The following EYS variants were observed in gnomAD, a reference collection of about 807,000 sequenced individuals.
EYS encodes EGF-like photoreceptor maintenance factor.
Under a neutral mutation model 282.1 loss-of-function variants are expected in EYS, and 250 were observed. The ratio of observed to expected loss-of-function variants is 0.89; its 90% CI spans 0.80 to 0.98. The LOEUF (loss-of-function observed/expected upper bound fraction) is 0.98, where lower values mean the gene tolerates loss of function less well. Among genes scored for constraint, EYS ranks in the 50% least tolerant of loss-of-function variants. The pLI, the probability that EYS is intolerant of heterozygous loss-of-function variation, is 0.00. For synonymous variants in EYS, 1,355 were observed against 1,282.9 expected, an observed-to-expected ratio of 1.06 and a Z score of -1.20; for missense variants, 4,016 against 3,709.0, an observed-to-expected ratio of 1.08 and a Z score of -2.15.
intron 30 of EYS, among the ~76,000 whole-genome samples, chr6:64,275,920 G>T (rs1381632795): frequency 1.3e-5 from 2 of 150,994 alleles, no homozygotes; most frequent in South Asian, 2.1e-4. Flanking sequence ...AGCTGAGATC[G>T]CACCTTTGCA....
At chr6:65,219,591 TAGACA>T (rs766577633) in intron 12 of EYS, among the ~76,000 whole-genome samples, 4 of 152,164 alleles carry the variant, frequency 2.6e-5, no homozygotes, top group Non-Finnish European at 4.4e-5. Context: ...TGTGAAGCAC[TAGACA>T]AATCTTTGTT....
chr6:63,874,002 G>C (rs1419267102), intron 35 of EYS, among the ~76,000 whole-genome samples: 1 of 152,104 alleles, frequency 6.6e-6, no homozygotes, highest in Non-Finnish European at 1.5e-5. Flanking sequence ...AGTTTAATTA[G>C]ATCCCATTTG....
intron 26 of EYS, among the ~76,000 whole-genome samples, chr6:64,484,203 C>T (rs1219085922): frequency 2.6e-5 from 4 of 151,570 alleles, no homozygotes; most frequent in African/African-American, 9.7e-5. Context: ...GCCTTACCTA[C>T]TTTAAGCAAA....
At chr6:65,314,306 A>C (rs1769239611) in intron 11 of EYS, among the ~76,000 whole-genome samples, 1 of 146,068 alleles carries the variant, frequency 6.8e-6, no homozygotes, top group Admixed American at 7.0e-5. Context: ...AGGTTTTTAA[A>C]AATTTTTTAT....
intron 2 of EYS, among the ~76,000 whole-genome samples, chr6:65,501,611 A>G (rs1766453144): frequency 6.6e-6 from 1 of 151,820 alleles, no homozygotes; most frequent in Admixed American, 6.6e-5. Flanking sequence ...TATAGAGTAT[A>G]AAAGATTTAC....
chr6:65,444,769 A>AG (rs1384532893), intron 5 of EYS, among the ~76,000 whole-genome samples: 1 of 152,108 alleles, frequency 6.6e-6, no homozygotes, highest in Non-Finnish European at 1.5e-5. Context: ...AGAGCCTAAC[A>AG]GGTCATCTTT....
intron 7 of EYS, among the ~76,000 whole-genome samples, chr6:65,388,453 T>A (rs1480613765): frequency 6.6e-6 from 1 of 151,914 alleles, no homozygotes; most frequent in Non-Finnish European, 1.5e-5. Flanking sequence ...TGTGTCAGGA[T>A]CAACAGGAAA....
chr6:63,950,845 G>C (rs928159451), intron 35 of EYS, among the ~76,000 whole-genome samples: 1 of 151,790 alleles, frequency 6.6e-6, no homozygotes, highest in Non-Finnish European at 1.5e-5. Flanking sequence ...TTTAATTTCA[G>C]TTCCTTTCCT....
intron 5 of EYS, among the ~76,000 whole-genome samples, chr6:65,484,622 G>A (rs1349384548): frequency 6.6e-6 from 1 of 152,112 alleles, no homozygotes; most frequent in East Asian, 1.9e-4. Context: ...TACTAATAAT[G>A]CTACTCTTCC....
intron 29 of EYS, among the ~76,000 whole-genome samples, chr6:64,378,275 C>T (rs767251934): frequency 3.3e-5 from 5 of 152,212 alleles, no homozygotes; most frequent in Middle Eastern, 3.4e-3. Flanking sequence ...TAAATACCAG[C>T]AGGCTGAATA....
chr6:64,691,602 C>T (rs1215286788), intron 22 of EYS, among the ~76,000 whole-genome samples: 9 of 152,018 alleles, frequency 5.9e-5, no homozygotes, highest in South Asian at 2.1e-4. Flanking sequence ...ATCCTGTCAC[C>T]CAGGTAGTGA....
intron 28 of EYS, chr6:64,412,682 T>C (rs1027571399): frequency 2.0e-5 from 3 of 152,108 alleles, no homozygotes; most frequent in African/African-American, 7.2e-5. Flanking sequence ...ATTCTTCTGG[T>C]GGAAATTAGC....
chr6:64,222,793 T>C (rs1045515893), intron 31 of EYS, among the ~76,000 whole-genome samples: 1 of 151,998 alleles, frequency 6.6e-6, no homozygotes, highest in African/African-American at 2.4e-5. Context: ...GCCATAAAAC[T>C]TTATTGAAAT....
intron 35 of EYS, among the ~76,000 whole-genome samples, chr6:63,922,731 G>A (rs903305826): frequency 2.0e-5 from 3 of 152,116 alleles, no homozygotes; most frequent in African/African-American, 2.4e-5. Flanking sequence ...AGAAAAATTG[G>A]TTCTTGTGGG....
intron 22 of EYS, among the ~76,000 whole-genome samples, chr6:64,707,609 G>A (rs1191504447): frequency 1.3e-5 from 2 of 150,638 alleles, no homozygotes; most frequent in Non-Finnish European, 2.9e-5. Flanking sequence ...GCCTTGCAGT[G>A]AGTGGAGATC....
At position 63,947,188 on chromosome 6, in the gene EYS, G is replaced by C. The variant is rs147791809; in HGVS notation, c.7055+37195C>G. On this transcript the variant is annotated intron_variant, in intron 35 of 42. Coordinates refer to ENST00000503581, the MANE Select transcript of EYS (RefSeq NM_001142800.2). ...AACATTTGTATATTTTGGTAGCTGAGAGTTTGCCTGTAGAGTGAATGTGCT... is the reference window on the plus strand; with the variant it reads ...AACATTTGTATATTTTGGTAGCTGACAGTTTGCCTGTAGAGTGAATGTGCT... 2.6e-3 allele frequency among the ~76,000 whole-genome samples: 395 copies of C among 152,112 alleles called. 1 individual carries two copies. The highest frequency in any genetic ancestry group is 3.9e-3 in the African/African-American group (160 of 41,532).
chr6:65,471,923 A>T (rs1353833895), intron 5 of EYS, among the ~76,000 whole-genome samples: 1 of 152,076 alleles, frequency 6.6e-6, no homozygotes, highest in Non-Finnish European at 1.5e-5. Context: ...TAGAACCTAA[A>T]TGGGAGAAGA....
intron 8 of EYS, among the ~76,000 whole-genome samples, chr6:65,369,479 A>T (rs908318987): frequency 1.3e-5 from 2 of 150,968 alleles, no homozygotes; most frequent in Admixed American, 1.4e-4. Context: ...AGATTTCCCA[A>T]TCTGGAATCT....
At chr6:64,891,947 A>G (rs1025022896) in intron 18 of EYS, among the ~76,000 whole-genome samples, 3 of 152,098 alleles carry the variant, frequency 2.0e-5, no homozygotes, top group African/African-American at 7.2e-5. Context: ...TTGTCAAAGT[A>G]TTGAAATAAT....
Sources: allele counts gnomAD v4.1 joint callset (sites outside exome capture counted in the v4.1 genomes callset), GRCh38; gene constraint gnomAD v4.1.1; transcripts MANE v1.5; gene names NCBI Gene and HGNC (gene_info 2026-07-23, HGNC 2026-07-21).